Variants in IKBKB observed in about 807,000 individuals in gnomAD.
IKBKB encodes inhibitor of nuclear factor kappa B kinase subunit beta, also known as inhibitor of nuclear factor kappa-B kinase subunit beta.
A neutral mutation model predicts 113.6 loss-of-function variants in IKBKB; 42 were observed. The observed-to-expected ratio is 0.37, with a 90% CI of 0.29 to 0.48. IKBKB has a LOEUF of 0.48. Ranked by LOEUF, IKBKB falls within the 20% of genes least tolerant of loss-of-function variation. The pLI is 0.99. For synonymous variants in IKBKB, 296 were observed against 361.3 expected (o/e 0.82, Z 2.05); for missense variants, 673 against 939.7 (o/e 0.72, Z 3.71).
At chr8:42,297,546 G>T (rs1000336379) in intron 5 of IKBKB, among the ~76,000 whole-genome samples, 18 of 152,288 alleles carry the variant, frequency 1.2e-4, no homozygotes, top group Admixed American at 1.2e-3. Flanking sequence ...ACATGGATAG[G>T]ATTTTTCCAC....
In IKBKB at chr8:42,314,433, A is replaced by G. The variant is rs1818286396; in HGVS notation, c.800+4A>G. The G allele has an allele frequency of 1.3e-6, 2 of 1,544,202 alleles. No individual in the cohort carries two copies. The highest frequency in any genetic ancestry group is 1.8e-6 in the Non-Finnish European group (2 of 1,116,468). On this transcript the variant is annotated splice_donor_region_variant and intron_variant, in intron 9 of 21. Transcript: ENST00000520810. ...CCTACCCCAATAATCTTAACAGGTAAGGCACAGCGGCATTACACGAATACA... is the reference window on the plus strand; with the variant it reads ...CCTACCCCAATAATCTTAACAGGTAGGGCACAGCGGCATTACACGAATACA...
intron 5 of IKBKB, chr8:42,298,580 A>C (rs746463296): frequency 2.2e-5 from 16 of 715,180 alleles, no homozygotes; most frequent in Non-Finnish European, 2.6e-5. Context: ...GATCATTTGC[A>C]CATAAAGCTT....
rs1818616334 is a variant in IKBKB at position 42,316,016 on chromosome 8, G to T, written c.801-194G>T. Among the ~76,000 whole-genome samples the T allele has an allele frequency of 6.6e-6, 1 of 152,122 alleles. No homozygotes were observed. The highest frequency in any genetic ancestry group is 2.4e-5 in the African/African-American group (1 of 41,420). On this transcript the variant is annotated intron_variant, in intron 9 of 21. Coordinates refer to ENST00000520810, the MANE Select transcript of IKBKB (RefSeq NM_001556.3). The surrounding 1 kb of genome is among the most constrained non-coding windows in gnomAD (Gnocchi z 4.5). ...GGAGGTCAGCAATCTCTGATTTGGG[G>T]GTATTTTAGAATTCAGGAGAGAGGT...
rs571015743 is a variant in IKBKB at position 42,325,249 on chromosome 8, A to G, written c.1987-721A>G. The G allele has an allele frequency of 5.1e-6, 5 of 985,736 alleles. No homozygotes were observed. In the African/African-American group the frequency reaches 8.7e-5, roughly 17 times the overall value. The allele number at this position is 985,736 out of a possible 1,614,324, so 61.1% of individuals were successfully genotyped here. A position where few individuals can be genotyped will look rare whatever the true frequency, so the allele number is the denominator to read the frequency against. The stretch of plus-strand genomic sequence containing the variant: ...TCGGGCTGGGAGGGGCAGTGGCTGC[A>G]GCCCCTTGGGAGTCAGGGTGTCCTT... On this transcript the variant is annotated intron_variant, in intron 19 of 21. Transcript: ENST00000520810.
At chr8:42,278,372 G>A (rs972484986) in intron 2 of IKBKB, among the ~76,000 whole-genome samples, 2 of 152,196 alleles carry the variant, frequency 1.3e-5, no homozygotes, top group Admixed American at 1.3e-4. Context: ...GAGGAGCAGT[G>A]GAACGATGTT....
Position 42,308,886 on chromosome 8 carries a change from C to T in IKBKB, c.568-15C>T, listed in dbSNP as rs762495930. ...GAGAGGAGCAGCTCAGGTGTACCCCCTCCTGTTGCTGCAGGCCCCAGAGCT... is the reference window on the plus strand; with the variant it reads ...GAGAGGAGCAGCTCAGGTGTACCCCTTCCTGTTGCTGCAGGCCCCAGAGCT... On this transcript the variant is annotated splice_polypyrimidine_tract_variant and intron_variant, in intron 7 of 21. Transcript: ENST00000520810. 4 of 1,613,428 alleles carry T rather than the reference C, an allele frequency of 2.5e-6. No homozygotes were observed. The highest frequency in any genetic ancestry group is 3.4e-6 in the Non-Finnish European group (4 of 1,179,566).
At chr8:42,322,649 T>G (rs1022982596) in intron 19 of IKBKB, among the ~76,000 whole-genome samples, 155 bp downstream of exon 19, 4 of 152,180 alleles carry the variant, frequency 2.6e-5, no homozygotes, top group African/African-American at 9.7e-5. Context: ...TTTGACTTGG[T>G]GTAAGCGGGG....
intron 11 of IKBKB, 144 bp downstream of exon 11, chr8:42,317,048 AG>A: frequency 1.3e-6 from 1 of 787,474 alleles, no homozygotes. Context: ...TTTAAGTTGG[AG>A]TATGGTGTCC....
chr8:42,303,092 T>TGAGAGA (rs763171765), intron 5 of IKBKB, among the ~76,000 whole-genome samples: 16 of 70,164 alleles, frequency 2.3e-4, no homozygotes, highest in East Asian at 1.1e-3. Context: ...AGAGAGAGAA[T>TGAGAGA]GAGAGAGAGA....
chr8:42,330,648 C>G (rs1821590895), intron 21 of IKBKB: 2 of 203,696 alleles, frequency 9.8e-6, no homozygotes, highest in Non-Finnish European at 1.7e-5. Context: ...GTAGCTGGGA[C>G]TATAGGAGCT....
At chr8:42,299,127 C>T (rs1055327349) in intron 5 of IKBKB, among the ~76,000 whole-genome samples, 6 of 152,208 alleles carry the variant, frequency 3.9e-5, no homozygotes, top group Non-Finnish European at 8.8e-5. Flanking sequence ...TTGTCTTCTT[C>T]AGCCAGGTCC....
At chr8:42,304,521 G>T (rs146097514) in intron 5 of IKBKB, among the ~76,000 whole-genome samples, 175 of 152,272 alleles carry the variant, frequency 1.1e-3, no homozygotes, top group African/African-American at 3.8e-3. Context: ...TAAAGTTGGG[G>T]ATCATGCCCC....
At chr8:42,311,241 T>G (rs1021535141) in intron 8 of IKBKB, among the ~76,000 whole-genome samples, 4 of 152,170 alleles carry the variant, frequency 2.6e-5, no homozygotes, top group African/African-American at 9.6e-5. Flanking sequence ...AGAGGACAAG[T>G]GTCTACATCT....
rs1811919188 is a variant in IKBKB, at chr8:42,288,619, G to C, written c.106-15G>C. 2 of 1,599,672 alleles carry C rather than the reference G, an allele frequency of 1.3e-6. No individual in the cohort carries two copies. Among genetic ancestry groups the C allele is most frequent in the Non-Finnish European group, 1.7e-6 (2 of 1,171,044 alleles). On this transcript the variant is annotated splice_polypyrimidine_tract_variant and intron_variant, in intron 2 of 21. Coordinates refer to ENST00000520810, the MANE Select transcript of IKBKB (RefSeq NM_001556.3). Reference sequence around the variant, plus strand: ...GCAGCTCGCTCTGCTGGTCCCCACTGTGCTGTTTCTGTAGGAAACAGGTGA... The same window carrying C: ...GCAGCTCGCTCTGCTGGTCCCCACTCTGCTGTTTCTGTAGGAAACAGGTGA...
At chr8:42,275,291 G>A (rs1008540995) in intron 2 of IKBKB, among the ~76,000 whole-genome samples, 5 of 151,332 alleles carry the variant, frequency 3.3e-5, no homozygotes, top group Non-Finnish European at 7.4e-5. Flanking sequence ...GGGCTCAAAT[G>A]ATCCTTCTGC....
intron 20 of IKBKB, among the ~76,000 whole-genome samples, chr8:42,327,230 G>A (rs759016390): frequency 6.6e-5 from 10 of 151,934 alleles, no homozygotes; most frequent in Middle Eastern, 3.4e-3. Flanking sequence ...TGTATGGCAC[G>A]CGCTTGTAAT....
In IKBKB at chr8:42,328,166, C is replaced by T. The variant is rs377371837; in HGVS notation, c.2115-958C>T. Among the ~76,000 whole-genome samples the T allele has an allele frequency of 3.4e-4, 52 of 150,874 alleles. 2 individuals carry two copies. Among genetic ancestry groups the T allele is most frequent in the African/African-American group, 1.1e-3 (45 of 41,186 alleles). On this transcript the variant is annotated intron_variant, in intron 20 of 21. Coordinates refer to ENST00000520810, the MANE Select transcript of IKBKB (RefSeq NM_001556.3). Reference sequence around the variant, plus strand: ...TCCAGCCTGTTGGTCAGGCTGATCTCGAACTCCCGACCTTGGGTGATCCGC... The same window carrying T: ...TCCAGCCTGTTGGTCAGGCTGATCTTGAACTCCCGACCTTGGGTGATCCGC...
Position 42,320,745 on chromosome 8 carries a change from TG to T in IKBKB, c.1590del (p.Lys531AsnfsTer4), listed in dbSNP as rs1819610965. ...AVELCGRENE[V>X]KLLVERMMAL... ...CAGCTTTTCCATTAGGAGAACGAAG[TG>T]AAACTCCTGGTAGAACGGATGATGG... is the stretch of plus-strand genomic sequence containing the variant. On this transcript the variant is annotated frameshift_variant, in exon 16 of 22. Transcript: ENST00000520810. LOFTEE classifies it high-confidence loss of function. 6.2e-7 allele frequency: 1 copy of T among 1,612,914 alleles called. No individual in the cohort carries two copies.
chr8:42,301,897 A>G (rs1170098145), intron 5 of IKBKB, among the ~76,000 whole-genome samples: 1 of 152,184 alleles, frequency 6.6e-6, no homozygotes, highest in African/African-American at 2.4e-5. Context: ...GTTAGCCTCC[A>G]GCTCTGGGGG....
Sources: allele counts gnomAD v4.1 joint callset (sites outside exome capture counted in the v4.1 genomes callset), GRCh38; gene constraint gnomAD v4.1.1; non-coding constraint Gnocchi (gnomAD v3.1); transcripts MANE v1.5; gene names NCBI Gene and HGNC (gene_info 2026-07-23, HGNC 2026-07-21).